The following CNTNAP2 variants were observed in gnomAD, a reference collection of about 807,000 sequenced individuals.
The protein encoded by CNTNAP2 is contactin-associated protein-like 2.
Under a neutral mutation model 155.2 loss-of-function variants are expected in CNTNAP2, and 98 were observed. The observed-to-expected ratio is 0.63, with a 90% CI of 0.54 to 0.75. The LOEUF (loss-of-function observed/expected upper bound fraction) is 0.75. Among genes scored for constraint, CNTNAP2 ranks in the 30% least tolerant of loss-of-function variants. The probability of loss-of-function intolerance (pLI) is 0.00; values close to 1 mark genes in which losing one functional copy is unlikely to be tolerated. For synonymous variants in CNTNAP2, 651 were observed against 631.2 expected (o/e 1.03, Z -0.47); for missense variants, 1,727 against 1,688.1 (o/e 1.02, Z -0.40).
rs139958974 is a variant in CNTNAP2 at position 147,425,924 on chromosome 7, T to C, written c.1670+30144T>C. Among the ~76,000 whole-genome samples, 32 of 152,314 alleles carry C rather than the reference T, an allele frequency of 2.1e-4. 1 individual carries two copies. Among genetic ancestry groups the C allele is most frequent in the African/African-American group, 7.5e-4 (31 of 41,590 alleles). ...ATTTTAAAGCTCAAAAACTTCAATG[T>C]TAATTGACTGAAAATGCTAATCTAT... On this transcript the variant is annotated intron_variant, in intron 10 of 23. Coordinates refer to ENST00000361727, the MANE Select transcript of CNTNAP2 (RefSeq NM_014141.6).
At chr7:148,380,388 C>T (rs1799028134) in intron 21 of CNTNAP2, among the ~76,000 whole-genome samples, 1 of 152,130 alleles carries the variant, frequency 6.6e-6, no homozygotes, top group Non-Finnish European at 1.5e-5. Context: ...CTTTGTGGTG[C>T]TATCAATGAT....
chr7:148,281,267 G>A (rs1023779148), intron 21 of CNTNAP2, among the ~76,000 whole-genome samples: 1 of 152,238 alleles, frequency 6.6e-6, no homozygotes, highest in African/African-American at 2.4e-5. Flanking sequence ...AAATGGGGTA[G>A]ATTAAACTGC....
intron 1 of CNTNAP2, among the ~76,000 whole-genome samples, chr7:146,357,129 A>G (rs1262317655): frequency 2.0e-5 from 3 of 151,300 alleles, no homozygotes; most frequent in Non-Finnish European, 4.4e-5. Context: ...GAGAAATGAT[A>G]TTGAAGGGAC....
chr7:146,572,015 G>A (rs938163053), intron 1 of CNTNAP2, among the ~76,000 whole-genome samples: 1 of 152,076 alleles, frequency 6.6e-6, no homozygotes, highest in South Asian at 2.1e-4. Flanking sequence ...CACCGCACCT[G>A]GCCAAAAATC....
chr7:147,001,471 G>A (rs1490646770), intron 3 of CNTNAP2, among the ~76,000 whole-genome samples: 1 of 151,992 alleles, frequency 6.6e-6, no homozygotes, highest in African/African-American at 2.4e-5. Context: ...TTGGTTTAAA[G>A]AAATTACCAT....
chr7:146,907,253 C>T (rs983909754), intron 3 of CNTNAP2, among the ~76,000 whole-genome samples: 1 of 148,084 alleles, frequency 6.8e-6, no homozygotes, highest in Non-Finnish European at 1.5e-5. Flanking sequence ...AGAACTTCCC[C>T]AATCTAGCAA....
At chr7:146,202,401 G>C (rs992690595) in intron 1 of CNTNAP2, among the ~76,000 whole-genome samples, 2 of 152,048 alleles carry the variant, frequency 1.3e-5, no homozygotes, top group African/African-American at 4.8e-5. Flanking sequence ...CTCAGATTTA[G>C]TTGTAGAAAA....
At chr7:147,215,901 T>C (rs949094704) in intron 8 of CNTNAP2, among the ~76,000 whole-genome samples, 7 of 152,156 alleles carry the variant, frequency 4.6e-5, no homozygotes, top group Admixed American at 4.6e-4. Flanking sequence ...TGTAATGATA[T>C]CTCATTGTTG....
intron 8 of CNTNAP2, among the ~76,000 whole-genome samples, chr7:147,225,825 A>G (rs183425053): frequency 3.9e-5 from 5 of 127,662 alleles, no homozygotes; most frequent in Admixed American, 7.7e-5. Flanking sequence ...GAAAGAAGGA[A>G]AGAAGGAAGG....
chr7:147,027,645 A>G (rs1798948706), intron 3 of CNTNAP2, among the ~76,000 whole-genome samples: 1 of 152,168 alleles, frequency 6.6e-6, no homozygotes, highest in African/African-American at 2.4e-5. Context: ...TCCCTTTTGG[A>G]CAGTTTATAA....
At chr7:147,742,193 G>C (rs888893329) in intron 13 of CNTNAP2, among the ~76,000 whole-genome samples, 1 of 152,134 alleles carries the variant, frequency 6.6e-6, no homozygotes, top group African/African-American at 2.4e-5. Flanking sequence ...GGTGAGATTT[G>C]GTTAGGGACA....
chr7:147,122,629 A>C (rs1225335403), intron 6 of CNTNAP2: 1 of 152,208 alleles, frequency 6.6e-6, no homozygotes, highest in Non-Finnish European at 1.5e-5. Flanking sequence ...GTAATGACCA[A>C]ATCCAAAATT....
chr7:147,528,540 T>G (rs1799369631), intron 11 of CNTNAP2, among the ~76,000 whole-genome samples: 1 of 152,154 alleles, frequency 6.6e-6, no homozygotes, highest in South Asian at 2.1e-4. Flanking sequence ...CACACATACA[T>G]GTACACACAT....
At chr7:147,316,826 T>C (rs745508633) in intron 9 of CNTNAP2, among the ~76,000 whole-genome samples, 1 of 152,168 alleles carries the variant, frequency 6.6e-6, no homozygotes, top group Non-Finnish European at 1.5e-5. Context: ...AAATGGAGTA[T>C]TATGCAGCCA....
intron 21 of CNTNAP2, among the ~76,000 whole-genome samples, chr7:148,298,530 G>C (rs942088833): frequency 1.3e-5 from 2 of 151,962 alleles, no homozygotes; most frequent in African/African-American, 4.8e-5. Context: ...GATTGAGGGT[G>C]GGTCTGCCTC....
At chr7:147,101,592 G>A (rs1800654203) in intron 4 of CNTNAP2, among the ~76,000 whole-genome samples, 1 of 152,160 alleles carries the variant, frequency 6.6e-6, no homozygotes. Context: ...TGGACTTGAA[G>A]GATGGTGAAT....
intron 3 of CNTNAP2, among the ~76,000 whole-genome samples, chr7:147,041,550 C>G (rs1358328142): frequency 6.6e-6 from 1 of 152,018 alleles, no homozygotes; most frequent in Non-Finnish European, 1.5e-5. Context: ...TCCTTCTATG[C>G]AGCTGAGCTC....
chr7:146,870,032 G>T (rs1451578916), intron 3 of CNTNAP2, among the ~76,000 whole-genome samples: 2 of 152,032 alleles, frequency 1.3e-5, no homozygotes, highest in Admixed American at 6.6e-5. Context: ...AATGATATTG[G>T]CCTGAAGTTT....
intron 3 of CNTNAP2, among the ~76,000 whole-genome samples, chr7:147,036,051 A>G (rs1188884935): frequency 1.3e-5 from 2 of 152,196 alleles, no homozygotes; most frequent in Non-Finnish European, 1.5e-5. Context: ...CTTGCAAGAA[A>G]GATTTAATTT....
Sources: gnomAD v4.1 joint callset for allele counts (sites outside exome capture counted in the v4.1 genomes callset) on GRCh38, gnomAD v4.1.1 for gene constraint, MANE v1.5 for transcripts, NCBI Gene and HGNC (gene_info 2026-07-23, HGNC 2026-07-21) for gene names.